Variants in WNT3A observed in about 807,000 individuals in gnomAD.
WNT3A encodes the protein protein Wnt-3a.
Under a neutral mutation model 37.0 loss-of-function variants are expected in WNT3A, and 17 were observed. The ratio of observed to expected loss-of-function variants is 0.46; its 90% CI spans 0.31 to 0.69. The LOEUF (loss-of-function observed/expected upper bound fraction) is 0.69. WNT3A is among the 30% of genes least tolerant of loss of function. The pLI is 0.05. For missense variants in WNT3A, 411 were observed against 510.2 expected, an observed-to-expected ratio of 0.81 and a Z score of 1.87; for synonymous variants, 187 against 211.0, an observed-to-expected ratio of 0.89 and a Z score of 0.99.
At chr1:228,033,986 G>T (rs1054464823) in intron 2 of WNT3A, among the ~76,000 whole-genome samples, 2 of 152,134 alleles carry the variant, frequency 1.3e-5, no homozygotes, top group African/African-American at 4.8e-5. Context: ...ATGAGGCCAG[G>T]TGCAGTGGCT....
chr1:228,009,998 A>G (rs1459776285), intron 1 of WNT3A, among the ~76,000 whole-genome samples: 1 of 152,206 alleles, frequency 6.6e-6, no homozygotes, highest in Non-Finnish European at 1.5e-5. Context: ...AGTGACAGAG[A>G]GGAGACAGGC....
intron 1 of WNT3A, among the ~76,000 whole-genome samples, chr1:228,009,243 C>T (rs2030301307): frequency 6.6e-6 from 1 of 152,142 alleles, no homozygotes; most frequent in Admixed American, 6.5e-5. Context: ...CCCCTCTCTG[C>T]TCCCAGGCAG....
intron 1 of WNT3A, among the ~76,000 whole-genome samples, chr1:228,014,425 C>T (rs2030466509): frequency 1.3e-5 from 2 of 152,208 alleles, no homozygotes; most frequent in South Asian, 2.1e-4. Context: ...AGCACAGAGC[C>T]GTGCCCTTGG....
In WNT3A at chr1:228,037,017, C is replaced by G. The variant is rs1209469981; in HGVS notation, c.314-13639C>G. Among the ~76,000 whole-genome samples, 3 of 152,102 alleles carry G rather than the reference C, an allele frequency of 2.0e-5. No individual in the cohort carries two copies. The highest frequency in any genetic ancestry group is 3.2e-3 in the Middle Eastern group (1 of 316). ...TCTAACATGGGCTGGGCCCAGGAGT[C>G]CCCCCGGGCCCTGGCACCTGCCAGA... On this transcript the variant is annotated intron_variant, in intron 2 of 3. Transcript: ENST00000284523. This position sits in a 1 kb window ranked among gnomAD's most constrained non-coding sequence, Gnocchi z 4.1.
At chr1:228,018,065 C>T (rs561941092) in intron 1 of WNT3A, among the ~76,000 whole-genome samples, 4 of 152,314 alleles carry the variant, frequency 2.6e-5, no homozygotes, top group South Asian at 2.1e-4. Flanking sequence ...AGGTGGGATC[C>T]GGGAGTCCAG....
intron 2 of WNT3A, among the ~76,000 whole-genome samples, chr1:228,048,752 C>T (rs2031480646): frequency 6.6e-6 from 1 of 152,040 alleles, no homozygotes; most frequent in East Asian, 1.9e-4. Flanking sequence ...CAGGGCCTGG[C>T]CAGGCCCACC....
rs1396365439 is a variant in WNT3A, at chr1:228,060,243, C to G, written c.*778C>G. 7.4e-7 allele frequency: 1 copy of G among 1,351,822 alleles called. No homozygotes were observed. Among genetic ancestry groups the G allele is most frequent in the Non-Finnish European group, 9.8e-7 (1 of 1,021,536 alleles). The allele number at this position is 1,351,822 out of a possible 1,614,324, so 83.7% of individuals were successfully genotyped here. On this transcript the variant is annotated 3_prime_UTR_variant, in exon 4 of 4. Coordinates refer to ENST00000284523, the MANE Select transcript of WNT3A (RefSeq NM_033131.4). The stretch of plus-strand genomic sequence containing the variant: ...GCAGGAAATTCAGCCCACCAGCCAC[C>G]TCATCCCCAACCCCCTGTAAGGTTC...
intron 2 of WNT3A, among the ~76,000 whole-genome samples, chr1:228,029,466 G>T (rs576137302): frequency 6.6e-6 from 1 of 152,206 alleles, no homozygotes; most frequent in African/African-American, 2.4e-5. Context: ...AGACTTTGGA[G>T]ACCATGGTGC....
At position 228,038,994 on chromosome 1, in the gene WNT3A, G is replaced by T. The variant is rs1477686403; in HGVS notation, c.314-11662G>T. ...GAGATTCAGCAGAGTTTTTCTCCTGGGCAGTGGGCAATGTTGGGAGTCTGG... is the reference window on the plus strand; with the variant it reads ...GAGATTCAGCAGAGTTTTTCTCCTGTGCAGTGGGCAATGTTGGGAGTCTGG... On this transcript the variant is annotated intron_variant, in intron 2 of 3. Coordinates refer to ENST00000284523, the MANE Select transcript of WNT3A (RefSeq NM_033131.4). This position sits in a 1 kb window ranked among gnomAD's most constrained non-coding sequence, Gnocchi z 5.7. Among the ~76,000 whole-genome samples the T allele has an allele frequency of 6.6e-6, 1 of 152,148 alleles. No homozygotes were observed. The highest frequency in any genetic ancestry group is 1.9e-4 in the East Asian group (1 of 5,192).
chr1:228,056,004 A>G (rs2102782924), intron 3 of WNT3A, among the ~76,000 whole-genome samples: 1 of 152,314 alleles, frequency 6.6e-6, no homozygotes, highest in East Asian at 1.9e-4. Flanking sequence ...TCCTAATGCT[A>G]GCTGTGAACC....
chr1:228,051,157 T>C (rs560026410), intron 3 of WNT3A, among the ~76,000 whole-genome samples: 27 of 152,010 alleles, frequency 1.8e-4, no homozygotes, highest in Admixed American at 1.6e-3. Context: ...GAAGGAGTGA[T>C]GAGGCAAAGG....
chr1:228,030,822 C>T (rs1261662436), intron 2 of WNT3A, among the ~76,000 whole-genome samples: 1 of 152,266 alleles, frequency 6.6e-6, no homozygotes, highest in African/African-American at 2.4e-5. Flanking sequence ...GCTCCTATCC[C>T]CCAACCCTGC....
At chr1:228,046,329 ATC>A (rs944035669) in intron 2 of WNT3A, among the ~76,000 whole-genome samples, 6 of 148,314 alleles carry the variant, frequency 4.0e-5, no homozygotes, top group South Asian at 4.3e-4. Flanking sequence ...GTGTGTGTGC[ATC>A]TGTGTGCATG....
rs1558297418 is a variant in WNT3A, at chr1:228,059,312, C to T, written c.906C>T (p.His302=). The part of the protein sequence containing the change: ...TRDRTCNVSS[H]GIDGCDLLCC... The stretch of plus-strand genomic sequence containing the variant: ...ACCGCACCTGCAACGTCAGCTCGCA[C>T]GGCATCGACGGCTGCGACCTGCTGT... Residue 302 remains histidine, a synonymous_variant, in exon 4 of 4, where the codon CAC becomes CAT. Coordinates refer to ENST00000284523, the MANE Select transcript of WNT3A (RefSeq NM_033131.4). The T allele has an allele frequency of 6.3e-7, 1 of 1,577,416 alleles. No individual in the cohort carries two copies. Among genetic ancestry groups the T allele is most frequent in the Non-Finnish European group, 8.6e-7 (1 of 1,166,690 alleles).
intron 3 of WNT3A, among the ~76,000 whole-genome samples, chr1:228,051,186 C>T (rs1258872493): frequency 7.2e-5 from 11 of 152,118 alleles, no homozygotes; most frequent in Admixed American, 6.5e-4. Flanking sequence ...ACAGGAGCCC[C>T]GGCAGAGCCC....
In WNT3A at chr1:228,060,171, C is replaced by G; in HGVS notation, c.*706C>G. 7.4e-7 allele frequency: 1 copy of G among 1,351,080 alleles called. No individual in the cohort carries two copies. Among genetic ancestry groups the G allele is most frequent in the Non-Finnish European group, 9.8e-7 (1 of 1,021,158 alleles). The allele number at this position is 1,351,080 out of a possible 1,614,324, so 83.7% of individuals were successfully genotyped here. ...GCGGGTGGGACTCTTCCCTGGGAACCGCCCTCCTGATTAAGGCGTGGCTTC... is the reference window on the plus strand; with the variant it reads ...GCGGGTGGGACTCTTCCCTGGGAACGGCCCTCCTGATTAAGGCGTGGCTTC... On this transcript the variant is annotated 3_prime_UTR_variant, in exon 4 of 4. Transcript: ENST00000284523.
In WNT3A at chr1:228,046,750, G is replaced by A. The variant is rs1224980038; in HGVS notation, c.314-3906G>A. Among the ~76,000 whole-genome samples the A allele has an allele frequency of 4.6e-5, 7 of 151,118 alleles. No homozygotes were observed. The East Asian group carries it at 1.2e-3, about 26-fold the overall frequency. On this transcript the variant is annotated intron_variant, in intron 2 of 3. Transcript: ENST00000284523. ...CATGTATGTAGTGGGGTGTGCATGTGTGCTTGTGTGTGGTGGGGTGTGCAT... is the reference window on the plus strand; with the variant it reads ...CATGTATGTAGTGGGGTGTGCATGTATGCTTGTGTGTGGTGGGGTGTGCAT...
rs147393995 is a variant in WNT3A, at chr1:228,039,106, C to T, written c.314-11550C>T. Among the ~76,000 whole-genome samples the T allele has an allele frequency of 0.013, 1,972 of 152,294 alleles. 18 individuals are homozygous for T. Among genetic ancestry groups the T allele is most frequent in the Non-Finnish European group, 0.02 (1,380 of 68,012 alleles). On this transcript the variant is annotated intron_variant, in intron 2 of 3. Transcript: ENST00000284523. The surrounding 1 kb of genome is among the most constrained non-coding windows in gnomAD (Gnocchi z 4.1). ...CCAGAGCTGGGGGTGTCCAGCCAGACAGTCAGCATTGCCAGGGGAAAGAGA... is the reference window on the plus strand; with the variant it reads ...CCAGAGCTGGGGGTGTCCAGCCAGATAGTCAGCATTGCCAGGGGAAAGAGA...
chr1:228,052,594 G>A (rs116426921), intron 3 of WNT3A, among the ~76,000 whole-genome samples: 1,702 of 152,278 alleles, frequency 0.011, 25 homozygotes, highest in African/African-American at 0.039. Context: ...ACCAAGTGGC[G>A]TCCACGGGAT....
Sources: gnomAD v4.1 joint callset for allele counts (sites outside exome capture counted in the v4.1 genomes callset) on GRCh38, gnomAD v4.1.1 for gene constraint, Gnocchi (gnomAD v3.1) non-coding constraint, MANE v1.5 for transcripts, NCBI Gene and HGNC (gene_info 2026-07-23, HGNC 2026-07-21) for gene names.